RASGRF1: variants seen among roughly 807,000 people sequenced by gnomAD.
RASGRF1 encodes the protein ras-specific guanine nucleotide-releasing factor 1.
Under a neutral mutation model 138.7 loss-of-function variants are expected in RASGRF1, and 40 were observed. The ratio of observed to expected loss-of-function variants is 0.29; its 90% CI spans 0.22 to 0.38. RASGRF1 has a LOEUF of 0.38. RASGRF1 is among the 10% of genes least tolerant of loss of function. The probability of loss-of-function intolerance (pLI) is 1.00; values close to 1 mark genes in which losing one functional copy is unlikely to be tolerated. For missense variants in RASGRF1, 1,108 were observed against 1,650.4 expected (o/e 0.67, Z 5.69); for synonymous variants, 614 against 663.2 (o/e 0.93, Z 1.14).
chr15:79,064,268 G>T, intron 2 of RASGRF1, 152 bp downstream of exon 2: 1 of 690,162 alleles, frequency 1.4e-6, no homozygotes, highest in Non-Finnish European at 2.4e-6. Context: ...GGTGCAGGAT[G>T]TAAGGGTGGA....
chr15:79,015,376 T>A lies in RASGRF1; in HGVS notation c.1777A>T (p.Met593Leu). ...TTGGAATTTTCTTCAAATGCGTTCA[T>A]CATGAGCCCATTGCATCGGATGTTA... ...VDNIRCNGLM[M>L]NAFEENSKVT... The change falls in exon 13 of 27, where the codon ATG becomes TTG. Residue 593 changes from methionine to leucine, a missense_variant. By Grantham distance (15) the Met-to-Leu change is conservative. Around this residue, in one of 3 missense-constraint regions of RASGRF1, gnomAD observed 686 missense variants for 976.7 expected, o/e 0.70. Coordinates refer to ENST00000558480, the MANE Select transcript of RASGRF1 (RefSeq NM_001145648.3). The A allele has an allele frequency of 6.2e-7, 1 of 1,614,106 alleles. No individual in the cohort carries two copies. Among genetic ancestry groups the A allele is most frequent in the South Asian group, 1.1e-5 (1 of 91,080 alleles).
intron 26 of RASGRF1, among the ~76,000 whole-genome samples, chr15:78,966,225 ATTTTT>A (rs3063545): frequency 8.1e-5 from 9 of 110,720 alleles, no homozygotes; most frequent in African/African-American, 2.7e-4. Context: ...GAGGACTTAA[ATTTTT>A]TTTTTTTTTT....
At chr15:78,979,388 TG>T (rs1250542808) in intron 24 of RASGRF1, 5 of 280,564 alleles carry the variant, frequency 1.8e-5, no homozygotes, top group Non-Finnish European at 3.5e-5. Context: ...CCTCAGGGTC[TG>T]GGGGTAGTAA....
At chr15:78,967,127 A>G (rs918368933) in intron 26 of RASGRF1, among the ~76,000 whole-genome samples, 2 of 152,096 alleles carry the variant, frequency 1.3e-5, no homozygotes, top group African/African-American at 4.8e-5. Flanking sequence ...GTCTCTATAA[A>G]AAAATAAAAA....
intron 19 of RASGRF1, among the ~76,000 whole-genome samples, chr15:78,997,157 T>G (rs2870088): frequency 1 from 151,950 of 152,376 alleles, 75,767 homozygotes; most frequent in Non-Finnish European, 1. Flanking sequence ...TGGCTGAGCA[T>G]CTCAGACATC....
intron 17 of RASGRF1, among the ~76,000 whole-genome samples, chr15:78,999,494 C>A (rs1175033171): frequency 6.6e-6 from 1 of 152,116 alleles, no homozygotes; most frequent in Admixed American, 6.5e-5. Flanking sequence ...TGACCCAGCA[C>A]CTCCACAAGT....
intron 1 of RASGRF1, among the ~76,000 whole-genome samples, chr15:79,085,456 T>C (rs554962296): frequency 6.6e-6 from 1 of 152,304 alleles, no homozygotes; most frequent in Non-Finnish European, 1.5e-5. Context: ...CTAAAGGCAA[T>C]GGGAGCCACT....
chr15:79,019,626 C>T (rs1362360438), intron 11 of RASGRF1, among the ~76,000 whole-genome samples: 2 of 152,004 alleles, frequency 1.3e-5, no homozygotes, highest in Non-Finnish European at 2.9e-5. Context: ...CCCTGGCTTC[C>T]AGCACATGGC....
intron 15 of RASGRF1, among the ~76,000 whole-genome samples, chr15:79,002,941 C>T (rs1239460086): frequency 2.0e-5 from 3 of 152,238 alleles, no homozygotes; most frequent in Non-Finnish European, 2.9e-5. Flanking sequence ...TGGGTGCGTG[C>T]GTGTGTGCAC....
At chr15:79,002,507 G>T (rs2056553011) in intron 15 of RASGRF1, among the ~76,000 whole-genome samples, 1 of 152,046 alleles carries the variant, frequency 6.6e-6, no homozygotes, top group East Asian at 1.9e-4. Flanking sequence ...AATGTCCACA[G>T]GCACATGCAC....
At chr15:79,080,852 C>T (rs1369078966) in intron 1 of RASGRF1, among the ~76,000 whole-genome samples, 1 of 152,170 alleles carries the variant, frequency 6.6e-6, no homozygotes, top group Non-Finnish European at 1.5e-5. Context: ...AGGCCTGGTG[C>T]AGATTCTGAT....
intron 22 of RASGRF1, among the ~76,000 whole-genome samples, chr15:78,989,634 C>T (rs1354519834): frequency 6.6e-6 from 1 of 152,122 alleles, no homozygotes; most frequent in Non-Finnish European, 1.5e-5. Flanking sequence ...AGAGGGGCAG[C>T]GAGTGGGACA....
At chr15:78,995,632 C>A in intron 20 of RASGRF1, 108 bp downstream of exon 20, 1 of 1,359,594 alleles carries the variant, frequency 7.4e-7, no homozygotes, top group South Asian at 1.2e-5. Flanking sequence ...TATTTTTTCA[C>A]AACAGCCACA....
In RASGRF1 at chr15:78,973,255, T is replaced by A. The variant is rs1360623011; in HGVS notation, c.3612+48A>T. On this transcript the variant is annotated intron_variant, in intron 25 of 26. Coordinates refer to ENST00000558480, the MANE Select transcript of RASGRF1 (RefSeq NM_001145648.3). The surrounding 1 kb of genome is among the most constrained non-coding windows in gnomAD (Gnocchi z 4.9). The stretch of plus-strand genomic sequence containing the variant: ...TGTGGGTGGGCCCCAGGTTGAGTCA[T>A]CTGGGCTTCAACGCCCCCCTTCCCC... 1 of 1,451,242 alleles carries A rather than the reference T, an allele frequency of 6.9e-7. No individual in the cohort carries two copies. Among genetic ancestry groups the A allele is most frequent in the Non-Finnish European group, 9.5e-7 (1 of 1,048,552 alleles). The allele number at this position is 1,451,242 out of a possible 1,614,324, so 89.9% of individuals were successfully genotyped here.
intron 1 of RASGRF1, among the ~76,000 whole-genome samples, chr15:79,071,074 T>C (rs921395556): frequency 6.6e-6 from 1 of 152,234 alleles, no homozygotes; most frequent in Non-Finnish European, 1.5e-5. Flanking sequence ...CCGATGCTCA[T>C]GCTGTGTCCC....
chr15:78,997,554 G>A (rs1190968900), intron 19 of RASGRF1, among the ~76,000 whole-genome samples: 3 of 152,030 alleles, frequency 2.0e-5, no homozygotes, highest in African/African-American at 7.3e-5. Context: ...CCAACATGGT[G>A]AAACCCCGTC....
intron 24 of RASGRF1, among the ~76,000 whole-genome samples, chr15:78,976,582 A>C (rs897402195): frequency 6.6e-5 from 10 of 151,842 alleles, no homozygotes; most frequent in African/African-American, 1.7e-4. Flanking sequence ...ACACACACAC[A>C]CACCCATCCG....
chr15:79,059,973 CACACACACAGACACACAG>C (rs1399270596), intron 2 of RASGRF1, among the ~76,000 whole-genome samples: 2,467 of 13,342 alleles, frequency 0.18, 41 homozygotes, highest in South Asian at 0.3. Context: ...CTCACACACA[CACACACACAGACACACAG>C]ACACACACAC....
At chr15:78,969,114 T>C (rs2055701172) in intron 26 of RASGRF1, among the ~76,000 whole-genome samples, 2 of 152,226 alleles carry the variant, frequency 1.3e-5, no homozygotes, top group South Asian at 4.1e-4. Context: ...ATAAACCTAC[T>C]ATTTTAAACA....
Sources: allele counts gnomAD v4.1 joint callset (sites outside exome capture counted in the v4.1 genomes callset), GRCh38; gene constraint gnomAD v4.1.1; regional missense constraint gnomAD v4.1.1; non-coding constraint Gnocchi (gnomAD v3.1); transcripts MANE v1.5; gene names NCBI Gene and HGNC (gene_info 2026-07-23, HGNC 2026-07-21).